FAM151B: variants seen among roughly 807,000 people sequenced by gnomAD.
FAM151B encodes the protein family with sequence similarity 151 member B, also known as protein FAM151B.
Under a neutral mutation model 31.2 loss-of-function variants are expected in FAM151B, and 24 were observed. The ratio of observed to expected loss-of-function variants is 0.77; its 90% CI spans 0.56 to 1.08. FAM151B has a LOEUF of 1.08. FAM151B is among the 50% of genes least tolerant of loss of function. The probability of loss-of-function intolerance (pLI) is 0.00; values close to 1 mark genes in which losing one functional copy is unlikely to be tolerated. For synonymous variants in FAM151B, 105 were observed against 111.4 expected, an observed-to-expected ratio of 0.94 and a Z score of 0.36; for missense variants, 293 against 328.6, an observed-to-expected ratio of 0.89 and a Z score of 0.84.
chr5:80,496,441 G>A (rs1476678144), intron 1 of FAM151B, among the ~76,000 whole-genome samples: 1 of 152,192 alleles, frequency 6.6e-6, no homozygotes, highest in African/African-American at 2.4e-5. Flanking sequence ...GTATAACAGT[G>A]TAAACATAAC....
intron 1 of FAM151B, among the ~76,000 whole-genome samples, chr5:80,490,019 T>TACACACACACACACACACACAC (rs71601587): frequency 9.7e-5 from 14 of 144,702 alleles, no homozygotes; most frequent in African/African-American, 3.6e-4. Flanking sequence ...TTTTCCCCCT[T>TACACACACACACACACACACAC]ACACACACAC....
At chr5:80,496,094 G>T (rs919743392) in intron 1 of FAM151B, among the ~76,000 whole-genome samples, 3 of 152,194 alleles carry the variant, frequency 2.0e-5, no homozygotes, top group Admixed American at 2.0e-4. Context: ...GAGTTTGAGA[G>T]AATTGACTCT....
At chr5:80,488,827 A>G (rs1375592131) in intron 1 of FAM151B, among the ~76,000 whole-genome samples, 1 of 152,176 alleles carries the variant, frequency 6.6e-6, no homozygotes, top group Non-Finnish European at 1.5e-5. Context: ...ATCGATGCAC[A>G]GTTTACAGAA....
chr5:80,496,150 G>T (rs530056287), intron 1 of FAM151B, among the ~76,000 whole-genome samples: 34 of 152,232 alleles, frequency 2.2e-4, no homozygotes, highest in Admixed American at 7.8e-4. Flanking sequence ...AAACAGCATT[G>T]TGTGCCACAG....
At position 80,513,592 on chromosome 5, in the gene FAM151B, T is replaced by C; in HGVS notation, c.152-12T>C. On this transcript the variant is annotated splice_polypyrimidine_tract_variant and intron_variant, in intron 2 of 5. Transcript: ENST00000282226. ...TTTCTTAGCATTAACTGAAGTTCTT[T>C]TATTTGGACAGGTACTGCTCACATG... The C allele has an allele frequency of 1.2e-6, 2 of 1,603,978 alleles. No individual in the cohort carries two copies. Among genetic ancestry groups the C allele is most frequent in the Non-Finnish European group, 1.7e-6 (2 of 1,177,226 alleles).
At chr5:80,508,482 A>T (rs909050174) in intron 2 of FAM151B, among the ~76,000 whole-genome samples, 1 of 152,044 alleles carries the variant, frequency 6.6e-6, no homozygotes, top group South Asian at 2.1e-4. Flanking sequence ...AGTGTATATG[A>T]ATTGGTATCT....
chr5:80,519,823 T>A lies in FAM151B; in HGVS notation c.448T>A (p.Phe150Ile), dbSNP rs1244795189. 1.2e-6 allele frequency: 2 copies of A among 1,614,130 alleles called. No homozygotes were observed. Residue 150 changes from phenylalanine to isoleucine, a missense_variant, in exon 4 of 6, where the codon TTT becomes ATT. By Grantham distance (21) the Phe-to-Ile change is conservative. Transcript: ENST00000282226. ...GNSKVIDAKPFLDTVISFFPD... is the reference protein window; with the variant it reads ...GNSKVIDAKPILDTVISFFPD... ...TAGCAAAGTAATAGATGCAAAACCA[T>A]TTTTAGACACCGTGATATCCTTCTT... is the stretch of plus-strand genomic sequence containing the variant.
chr5:80,500,846 C>T, intron 1 of FAM151B: 1 of 1,134,414 alleles, frequency 8.8e-7, no homozygotes, highest in South Asian at 1.2e-5. Context: ...ACAGATAACA[C>T]TTTGATTGTT....
intron 1 of FAM151B, among the ~76,000 whole-genome samples, chr5:80,491,993 T>C (rs779511404): frequency 3.3e-4 from 51 of 152,324 alleles, no homozygotes; most frequent in Non-Finnish European, 6.6e-4. Flanking sequence ...AACTCTGCTA[T>C]GGTAGCTGGA....
intron 5 of FAM151B, 25 bp from the exon 6 acceptor site, chr5:80,541,648 A>G (rs373669675): frequency 1.4e-4 from 223 of 1,608,750 alleles, no homozygotes; most frequent in Non-Finnish European, 1.8e-4. Flanking sequence ...TTTTAACTGT[A>G]TAATTCTGTT....
intron 2 of FAM151B, among the ~76,000 whole-genome samples, chr5:80,510,428 G>A (rs764604414): frequency 6.6e-6 from 1 of 152,142 alleles, no homozygotes; most frequent in East Asian, 1.9e-4. Flanking sequence ...AAAACTGAAG[G>A]TGCCAGCAGT....
At chr5:80,519,443 G>A (rs1181768041) in intron 3 of FAM151B, among the ~76,000 whole-genome samples, 3 of 152,166 alleles carry the variant, frequency 2.0e-5, no homozygotes. Flanking sequence ...TTGTCCACAA[G>A]TAGTACCACT....
chr5:80,541,570 T>G (rs1745892731), intron 5 of FAM151B, 103 bp from the exon 6 acceptor site: 1 of 1,004,518 alleles, frequency 1.0e-6, no homozygotes, highest in East Asian at 2.4e-5. Flanking sequence ...TTCATCTGAG[T>G]GCATTTGAGT....
chr5:80,505,759 T>A (rs1743932878), intron 2 of FAM151B, among the ~76,000 whole-genome samples: 1 of 137,218 alleles, frequency 7.3e-6, no homozygotes, highest in Admixed American at 7.2e-5. Context: ...ATTTTTTTTT[T>A]TTTTTTTTTT....
chr5:80,540,522 C>A (rs138881747), intron 5 of FAM151B, among the ~76,000 whole-genome samples: 1 of 151,882 alleles, frequency 6.6e-6, no homozygotes. Flanking sequence ...CATCCATTTC[C>A]TCAGGCCGTT....
chr5:80,499,271 C>G (rs1743656918), intron 1 of FAM151B, among the ~76,000 whole-genome samples: 1 of 152,070 alleles, frequency 6.6e-6, no homozygotes, highest in African/African-American at 2.4e-5. Flanking sequence ...TTACCTTAGT[C>G]TTGGTTAACT....
intron 5 of FAM151B, among the ~76,000 whole-genome samples, chr5:80,537,301 G>A (rs1745560232): frequency 1.3e-5 from 2 of 152,216 alleles, no homozygotes; most frequent in Non-Finnish European, 2.9e-5. Context: ...CACATGGGGA[G>A]TGAAGCTAGG....
intron 3 of FAM151B, among the ~76,000 whole-genome samples, chr5:80,517,218 T>C (rs1415776169): frequency 6.6e-6 from 1 of 152,132 alleles, no homozygotes; most frequent in East Asian, 1.9e-4. Context: ...TTATTACTAG[T>C]TTATGTTGCT....
intron 5 of FAM151B, among the ~76,000 whole-genome samples, chr5:80,533,572 C>G (rs946166339): frequency 6.6e-6 from 1 of 151,128 alleles, no homozygotes; most frequent in African/African-American, 2.4e-5. Context: ...ACCAACAAGG[C>G]GAAACCCTCT....
Sources: allele counts gnomAD v4.1 joint callset (sites outside exome capture counted in the v4.1 genomes callset), GRCh38; gene constraint gnomAD v4.1.1; transcripts MANE v1.5; gene names NCBI Gene and HGNC (gene_info 2026-07-23, HGNC 2026-07-21).